The following SLX4 variants were observed in gnomAD, a reference collection of about 807,000 sequenced individuals.
The protein encoded by SLX4 is SLX4 structure-specific endonuclease subunit.
A neutral mutation model predicts 146.2 loss-of-function variants in SLX4; 112 were observed. That is an observed-to-expected ratio of 0.77 (90% CI 0.66 to 0.90). The LOEUF is 0.90. Ranked by LOEUF, SLX4 falls within the 40% of genes least tolerant of loss-of-function variation. The pLI is 0.00. For missense variants in SLX4, 2,563 were observed against 2,392.7 expected (o/e 1.07, Z -1.49); for synonymous variants, 1,061 against 997.7 (o/e 1.06, Z -1.20).
At chr16:3,583,572 C>A in intron 13 of SLX4, 62 bp from the exon 14 acceptor site, 1 of 1,583,064 alleles carries the variant, frequency 6.3e-7, no homozygotes, top group South Asian at 1.1e-5. Flanking sequence ...CTCCACGTTC[C>A]CTATCTTAGC....
rs1567171749 is a variant in SLX4 at position 3,592,885 on chromosome 16, C to CAG, written c.2161-22_2161-21dup. The CAG allele has an allele frequency of 6.2e-7, 1 of 1,604,684 alleles. No homozygotes were observed. The highest frequency in any genetic ancestry group is 8.5e-7 in the Non-Finnish European group (1 of 1,175,274). ...GTTCACCTGCAGGTGAAATGCAACACAGAGGGTTTACTGATCAGAGAGTTG... is the reference window on the plus strand; with the variant it reads ...GTTCACCTGCAGGTGAAATGCAACACAGAGAGGGTTTACTGATCAGAGAGTTG... On this transcript the variant is annotated intron_variant, in intron 10 of 14. Transcript: ENST00000294008.
At chr16:3,604,010 C>A (rs550872195) in intron 3 of SLX4, among the ~76,000 whole-genome samples, 2 of 151,916 alleles carry the variant, frequency 1.3e-5, no homozygotes, top group Non-Finnish European at 2.9e-5. Context: ...AGGGCAGATC[C>A]CCTGAGCTCA....
At position 3,583,121 on chromosome 16, in the gene SLX4, C is replaced by T. The variant is rs2151116448; in HGVS notation, c.5129G>A (p.Ser1710Asn). The stretch of plus-strand genomic sequence containing the variant: ...CCTCTGTGAGCTCAAGGAGCTGTCA[C>T]TGCCATCCACAGAGGTGGCCACGGA... ...QESVATSVDG[S>N]DSSLSSQSSS... Residue 1710 changes from serine to asparagine, a missense_variant, in exon 14 of 15, where the codon AGT becomes AAT. Coordinates refer to ENST00000294008, the MANE Select transcript of SLX4 (RefSeq NM_032444.4). The T allele has an allele frequency of 6.2e-7, 1 of 1,614,292 alleles. No individual in the cohort carries two copies. The highest frequency in any genetic ancestry group is 1.1e-5 in the South Asian group (1 of 91,092).
chr16:3,582,350 G>C lies in SLX4; in HGVS notation c.5497C>G (p.Arg1833Gly). The change falls in exon 15 of 15, where the codon CGG (arginine) becomes GGG (glycine). Residue 1833 changes from arginine to glycine, a missense_variant. Transcript: ENST00000294008. The part of the protein sequence containing the change: ...RQPRGKKKVE[R>G]N ...GGGTCGGGATGGCCCCATCAGTTCC[G>C]CTCCACCTTCTTCTTGCCCCGAGGC... The C allele has an allele frequency of 6.2e-7, 1 of 1,611,394 alleles. No individual in the cohort carries two copies. The highest frequency in any genetic ancestry group is 8.5e-7 in the Non-Finnish European group (1 of 1,179,960).
At chr16:3,602,092 G>A (rs779542119) in intron 4 of SLX4, 26 bp downstream of exon 4, 9 of 1,613,768 alleles carry the variant, frequency 5.6e-6, no homozygotes. Context: ...ATACACGGGA[G>A]AGGCGACGGC....
Position 3,611,038 on chromosome 16 carries a change from C to T in SLX4, c.-603+522G>A, listed in dbSNP as rs111733786. Among the ~76,000 whole-genome samples, 60 of 152,298 alleles carry T rather than the reference C, an allele frequency of 3.9e-4. 1 individual carries two copies. In the South Asian group the frequency reaches 1.0e-2, roughly 25 times the overall value. On this transcript the variant is annotated intron_variant, in intron 1 of 14. Coordinates refer to ENST00000294008, the MANE Select transcript of SLX4 (RefSeq NM_032444.4). ...CAGTCTATCTCCTCCTATAGGTGCCCAGTCAAGATTTACTGAATGACATAA... is the reference window on the plus strand; with the variant it reads ...CAGTCTATCTCCTCCTATAGGTGCCTAGTCAAGATTTACTGAATGACATAA...
At chr16:3,587,946 C>T (rs568316201) in intron 12 of SLX4, among the ~76,000 whole-genome samples, 3 of 152,156 alleles carry the variant, frequency 2.0e-5, no homozygotes, top group East Asian at 1.9e-4. Context: ...GCAGCAGCAC[C>T]GAGGGGGCCG....
chr16:3,594,136 G>C (rs2040623415), intron 10 of SLX4, among the ~76,000 whole-genome samples: 1 of 152,176 alleles, frequency 6.6e-6, no homozygotes, highest in Non-Finnish European at 1.5e-5. Context: ...CAAAGTGCTG[G>C]AATTACAGGC....
chr16:3,590,050 A>T lies in SLX4; in HGVS notation c.3588T>A (p.Asp1196Glu). 4 of 1,614,078 alleles carry T rather than the reference A, an allele frequency of 2.5e-6. No homozygotes were observed. The highest frequency in any genetic ancestry group is 3.4e-6 in the Non-Finnish European group (4 of 1,180,014). ...GGGAAGGTTCCTGATCTGCATCAACATCAATGATGGAAAACAGCTCACAGG... is the reference window on the plus strand; with the variant it reads ...GGGAAGGTTCCTGATCTGCATCAACTTCAATGATGGAAAACAGCTCACAGG... ...PRSCELFSII[D>E]VDADQEPSQS... The change falls in exon 12 of 15, where the codon GAT (aspartate) becomes GAA (glutamate). Residue 1196 changes from aspartate (D) to glutamate (E), a missense_variant. Coordinates refer to ENST00000294008, the MANE Select transcript of SLX4 (RefSeq NM_032444.4). The surrounding 1 kb of genome is among the most constrained non-coding windows in gnomAD (Gnocchi z 4.8).
Position 3,601,122 on chromosome 16 carries a change from C to G in SLX4, c.1020G>C (p.Gly340=). Residue 340 remains glycine, a synonymous_variant, in exon 5 of 15, where the codon GGG becomes GGC. Transcript: ENST00000294008. ...VPQIPECPIC[G]KPFLTLKSRT... is the part of the protein sequence containing the mutation. ...TGCTCTTTAAGGTAAGAAACGGTTT[C>G]CCACAAATCGGGCACTCAGGGATCT... 3 of 1,614,116 alleles carry G rather than the reference C, an allele frequency of 1.9e-6. No homozygotes were observed. Among genetic ancestry groups the G allele is most frequent in the Non-Finnish European group, 2.5e-6 (3 of 1,180,024 alleles).
At chr16:3,584,629 T>G (rs893455641) in intron 13 of SLX4, 140 bp downstream of exon 13, 1 of 763,382 alleles carries the variant, frequency 1.3e-6, no homozygotes, top group East Asian at 2.5e-5. Context: ...CTGCAGACCT[T>G]TCTTCCCAAG....
chr16:3,584,981 AT>A, intron 12 of SLX4, 110 bp from the exon 13 acceptor site: 2 of 868,882 alleles, frequency 2.3e-6, no homozygotes, highest in South Asian at 2.6e-5. Flanking sequence ...TAACCCAAGC[AT>A]CGTTTTGCTC....
At chr16:3,604,513 A>C (rs896768473) in intron 3 of SLX4, among the ~76,000 whole-genome samples, 3 of 152,064 alleles carry the variant, frequency 2.0e-5, no homozygotes, top group South Asian at 4.2e-4. Flanking sequence ...TTACCTTCAG[A>C]TAATATGGAA....
chr16:3,589,962 G>C lies in SLX4; in HGVS notation c.3676C>G (p.Arg1226Gly), dbSNP rs142008398. The C allele has an allele frequency of 6.2e-7, 1 of 1,613,868 alleles. No individual in the cohort carries two copies. The highest frequency in any genetic ancestry group is 8.5e-7 in the Non-Finnish European group (1 of 1,179,988). ...GCCCCTCTCCTGCCCAAAGAGCCCC[G>C]ATTCTCCGGCAGCGCCCCCTCATCC... Reference protein sequence around the residue: ...QEDEGALPENRGSLGRRGAPW... With the variant: ...QEDEGALPENGGSLGRRGAPW... The change falls in exon 12 of 15, where the codon CGG becomes GGG. Residue 1226 changes from arginine to glycine, a missense_variant. Physicochemically the swap from Arg to Gly is moderately radical, Grantham distance 125. Coordinates refer to ENST00000294008, the MANE Select transcript of SLX4 (RefSeq NM_032444.4). The surrounding 1 kb of genome is among the most constrained non-coding windows in gnomAD (Gnocchi z 6.2).
At chr16:3,584,555 C>T (rs1037607012) in intron 13 of SLX4, among the ~76,000 whole-genome samples, 3 of 152,106 alleles carry the variant, frequency 2.0e-5, no homozygotes, top group East Asian at 1.9e-4. Context: ...GGGAATGGTA[C>T]GCAGAGAGAA....
chr16:3,590,060 G>A lies in SLX4; in HGVS notation c.3578C>T (p.Ser1193Phe), dbSNP rs368695839. ...CTGATCTGCATCAACATCAATGATG[G>A]AAAACAGCTCACAGGACCTAGGGCT... The part of the protein sequence containing the change: ...EISPRSCELF[S>F]IIDVDADQEP... The change falls in exon 12 of 15, where the codon TCC (serine) becomes TTC (phenylalanine). Residue 1193 changes from serine to phenylalanine, a missense_variant. By Grantham distance (155) the Ser-to-Phe change is radical. Coordinates refer to ENST00000294008, the MANE Select transcript of SLX4 (RefSeq NM_032444.4). This position sits in a 1 kb window ranked among gnomAD's most constrained non-coding sequence, Gnocchi z 4.8. 10 of 1,614,060 alleles carry A rather than the reference G, an allele frequency of 6.2e-6. No homozygotes were observed. Among genetic ancestry groups the A allele is most frequent in the Non-Finnish European group, 8.5e-6 (10 of 1,180,048 alleles).
intron 5 of SLX4, 179 bp downstream of exon 5, chr16:3,600,800 C>T (rs1043372751): frequency 4.1e-5 from 26 of 628,054 alleles, no homozygotes; most frequent in Admixed American, 2.7e-4. Flanking sequence ...TGTACCATGT[C>T]GGCCAGGCTG....
rs2151125090 is a variant in SLX4, at chr16:3,590,839, G to A, written c.2799C>T (p.Gly933=). The change falls in exon 12 of 15, where the codon GGC becomes GGT. Residue 933 remains glycine (G), a synonymous_variant. Transcript: ENST00000294008. The surrounding 1 kb of genome is among the most constrained non-coding windows in gnomAD (Gnocchi z 4.8). ...MGQCALPPPQ[G]QHSGARGAEA... Reference sequence around the variant, plus strand: ...CTGCTCCCCGTGCCCCTGAGTGCTGGCCCTGGGGTGGCGGGAGAGCGCACT... The same window carrying A: ...CTGCTCCCCGTGCCCCTGAGTGCTGACCCTGGGGTGGCGGGAGAGCGCACT... 6.2e-7 allele frequency: 1 copy of A among 1,614,090 alleles called. No homozygotes were observed. Among genetic ancestry groups the A allele is most frequent in the Non-Finnish European group, 8.5e-7 (1 of 1,180,002 alleles).
chr16:3,592,977 A>G, intron 10 of SLX4, 112 bp from the exon 11 acceptor site: 1 of 1,136,140 alleles, frequency 8.8e-7, no homozygotes, highest in African/African-American at 1.6e-5. Context: ...TTTTCTTTTT[A>G]GAGACAGTGT....
Sources: allele counts gnomAD v4.1 joint callset (sites outside exome capture counted in the v4.1 genomes callset), GRCh38; gene constraint gnomAD v4.1.1; non-coding constraint Gnocchi (gnomAD v3.1); transcripts MANE v1.5; gene names NCBI Gene and HGNC (gene_info 2026-07-23, HGNC 2026-07-21).